LRIF1: variants seen among roughly 807,000 people sequenced by gnomAD.
The protein encoded by LRIF1 is ligand dependent nuclear receptor interacting factor 1.
LRIF1 carries 32 observed loss-of-function variants against 52.7 expected under a neutral mutation model. That is an observed-to-expected ratio of 0.61 (90% confidence interval 0.46 to 0.82). LRIF1 has a LOEUF of 0.82. LRIF1 is among the 40% of genes least tolerant of loss of function. The pLI is 0.00. For missense variants in LRIF1, 887 were observed against 892.0 expected (o/e 0.99, Z 0.07); for synonymous variants, 323 against 317.4 (o/e 1.02, Z -0.19).
the LRIF1 span, chr1:110,899,630 G>A: frequency 5.9e-6 from 1 of 168,436 alleles, no homozygotes; most frequent in African/African-American, 2.4e-5. Flanking sequence ...CAGGCTCACT[G>A]GACCATTGTC....
the LRIF1 span, chr1:110,939,599 C>A: frequency 7.2e-5 from 11 of 152,034 alleles, no homozygotes; most frequent in African/African-American, 2.4e-4. Context: ...TGCCACAGAA[C>A]TATAATAACC....
At position 110,948,070 on chromosome 1, in the gene LRIF1, T is replaced by C. The variant is rs915562796; in HGVS notation, c.2199A>G (p.Pro733=). The C allele has an allele frequency of 6.2e-7, 1 of 1,613,984 alleles. No homozygotes were observed. Among genetic ancestry groups the C allele is most frequent in the African/African-American group, 1.3e-5 (1 of 74,924 alleles). Residue 733 remains proline, a synonymous_variant, in exon 4 of 4, where the codon CCA becomes CCG. Coordinates refer to ENST00000369763, the MANE Select transcript of LRIF1 (RefSeq NM_018372.4). ...NYTEDIFPVT[P]PELEETIRDE... ...CTCGAATGGTTTCTTCTAACTCCGGTGGTGTCACTGGGAAAATATCTTCGG... is the reference window on the plus strand; with the variant it reads ...CTCGAATGGTTTCTTCTAACTCCGGCGGTGTCACTGGGAAAATATCTTCGG...
the LRIF1 span, chr1:110,892,474 G>A: frequency 6.2e-7 from 1 of 1,614,128 alleles, no homozygotes; most frequent in South Asian, 1.1e-5. Context: ...TATTATCATG[G>A]TAGTTGCCTT....
chr1:110,883,003 A>G, the LRIF1 span, among the ~76,000 whole-genome samples: 1 of 152,142 alleles, frequency 6.6e-6, no homozygotes, highest in East Asian at 1.9e-4. Context: ...ATATCTGTGA[A>G]CAAAGCCAGT....
the LRIF1 span, among the ~76,000 whole-genome samples, chr1:110,876,655 A>G: frequency 4.6e-5 from 7 of 152,066 alleles, no homozygotes; most frequent in Admixed American, 2.6e-4. Context: ...GAATTATTCC[A>G]TAGTTTAGTC....
the LRIF1 span, among the ~76,000 whole-genome samples, chr1:110,875,511 T>C: frequency 6.6e-6 from 1 of 152,218 alleles, no homozygotes; most frequent in African/African-American, 2.4e-5. Context: ...GCTTAGCTTC[T>C]GTTCCAGGAA....
At chr1:110,916,672 A>C in the LRIF1 span, among the ~76,000 whole-genome samples, 27,908 of 152,198 alleles carry the variant, frequency 0.18, 2,945 homozygotes, top group Middle Eastern at 0.3. Flanking sequence ...AAATTCCAAT[A>C]TATGCTCTTT....
chr1:110,940,904 C>G, the LRIF1 span: 2 of 152,004 alleles, frequency 1.3e-5, no homozygotes, highest in Non-Finnish European at 2.9e-5. Flanking sequence ...ATAAGACCTA[C>G]TATTTGATAG....
At chr1:110,952,869 T>C (rs1425615322) in intron 1 of LRIF1, 54 bp from the exon 2 acceptor site, 2 of 918,730 alleles carry the variant, frequency 2.2e-6, no homozygotes, top group Non-Finnish European at 2.9e-6. Flanking sequence ...ATATACATTT[T>C]ATTTAAAAAT....
chr1:110,901,052 TA>T, the LRIF1 span, among the ~76,000 whole-genome samples: 1 of 152,168 alleles, frequency 6.6e-6, no homozygotes, highest in Non-Finnish European at 1.5e-5. Flanking sequence ...CCTCTCCTTT[TA>T]AAAAAATTAG....
chr1:110,961,366 G>T (rs1035272735), intron 1 of LRIF1, among the ~76,000 whole-genome samples: 2 of 152,182 alleles, frequency 1.3e-5, no homozygotes, highest in Non-Finnish European at 2.9e-5. Flanking sequence ...ATAGTAAGTG[G>T]TAAGCTAGGA....
At chr1:110,915,379 T>C in the LRIF1 span, among the ~76,000 whole-genome samples, 18 of 152,092 alleles carry the variant, frequency 1.2e-4, no homozygotes, top group Non-Finnish European at 2.5e-4. Flanking sequence ...TCCCAGCTAT[T>C]CGGGAGGCTG....
chr1:110,916,393 C>T, the LRIF1 span, among the ~76,000 whole-genome samples: 282 of 152,164 alleles, frequency 1.9e-3, no homozygotes, highest in African/African-American at 6.6e-3. Context: ...ATTACATCAA[C>T]TAATATTAAA....
intron 2 of LRIF1, among the ~76,000 whole-genome samples, chr1:110,950,466 C>T (rs1009472783): frequency 6.6e-6 from 1 of 152,136 alleles, no homozygotes. Context: ...GTCACACATG[C>T]CTTTAATCGA....
At chr1:110,954,453 G>T (rs1390128461) in intron 1 of LRIF1, among the ~76,000 whole-genome samples, 4 of 152,064 alleles carry the variant, frequency 2.6e-5, no homozygotes, top group Admixed American at 2.6e-4. Flanking sequence ...GCTAATTTTT[G>T]TATTTTTTAT....
intron 3 of LRIF1, among the ~76,000 whole-genome samples, chr1:110,948,704 ATTGT>A (rs1384203107): frequency 6.6e-6 from 1 of 152,134 alleles, no homozygotes; most frequent in South Asian, 2.1e-4. Context: ...TATAAAATTG[ATTGT>A]TTTTTTCTTT....
At chr1:110,927,915 C>T in the LRIF1 span, among the ~76,000 whole-genome samples, 9 of 152,196 alleles carry the variant, frequency 5.9e-5, no homozygotes, top group South Asian at 1.7e-3. Flanking sequence ...AGTATCTTTT[C>T]TGAGTTCTTG....
At chr1:110,950,793 TG>T (rs1242159306) in intron 2 of LRIF1, among the ~76,000 whole-genome samples, 1 of 152,022 alleles carries the variant, frequency 6.6e-6, no homozygotes, top group Non-Finnish European at 1.5e-5. Flanking sequence ...TGAAAGGTAT[TG>T]ATTAGCCCTG....
the LRIF1 span, among the ~76,000 whole-genome samples, chr1:110,895,871 C>G: frequency 6.6e-6 from 1 of 152,086 alleles, no homozygotes; most frequent in African/African-American, 2.4e-5. Context: ...AAAGCAAATA[C>G]TAGACAATAT....
Sources: allele counts gnomAD v4.1 joint callset (sites outside exome capture counted in the v4.1 genomes callset), GRCh38; gene constraint gnomAD v4.1.1; transcripts MANE v1.5; gene names NCBI Gene and HGNC (gene_info 2026-07-23, HGNC 2026-07-21).